The following SLC25A21 variants were observed in gnomAD, a reference collection of about 807,000 sequenced individuals.
SLC25A21 encodes the protein mitochondrial 2-oxodicarboxylate carrier.
A neutral mutation model predicts 43.8 loss-of-function variants in SLC25A21; 47 were observed. That is an observed-to-expected ratio of 1.07 (90% CI 0.85 to 1.37). The LOEUF (loss-of-function observed/expected upper bound fraction) is 1.37. SLC25A21 is among the 40% of genes most tolerant of loss of function. SLC25A21 has a pLI of 0.00. For synonymous variants in SLC25A21, 131 were observed against 121.3 expected, an observed-to-expected ratio of 1.08 and a Z score of -0.52; for missense variants, 352 against 350.2, an observed-to-expected ratio of 1.00 and a Z score of -0.04.
At chr14:36,849,160 A>T (rs1889640686) in intron 2 of SLC25A21, among the ~76,000 whole-genome samples, 1 of 152,192 alleles carries the variant, frequency 6.6e-6, no homozygotes, top group African/African-American at 2.4e-5. Flanking sequence ...AACACACTTT[A>T]AAAATAAAAT....
chr14:37,149,720 A>T (rs537071582), intron 1 of SLC25A21, among the ~76,000 whole-genome samples: 9 of 152,130 alleles, frequency 5.9e-5, no homozygotes, highest in Admixed American at 3.3e-4. Context: ...ATAAATAAAT[A>T]ATCACTAAAT....
chr14:36,688,830 T>C (rs1882666051), intron 7 of SLC25A21, among the ~76,000 whole-genome samples: 1 of 152,230 alleles, frequency 6.6e-6, no homozygotes, highest in Admixed American at 6.5e-5. Flanking sequence ...CGAACTATTA[T>C]TATTATTCCT....
chr14:36,760,330 CAGAAGGAAGGAA>C (rs1401861461), intron 3 of SLC25A21, among the ~76,000 whole-genome samples: 18 of 105,074 alleles, frequency 1.7e-4, no homozygotes, highest in South Asian at 3.0e-4. Flanking sequence ...GGCAGCTAGG[CAGAAGGAAGGAA>C]GGAAGGAAGG....
chr14:36,753,955 G>GAGAGAGAA, intron 3 of SLC25A21, among the ~76,000 whole-genome samples: 1 of 149,658 alleles, frequency 6.7e-6, no homozygotes. Context: ...GAGAGAGAGA[G>GAGAGAGAA]AGAGAAAGAG....
intron 8 of SLC25A21, 31 bp downstream of exon 8, chr14:36,684,713 C>A: frequency 6.4e-7 from 1 of 1,574,540 alleles, no homozygotes; most frequent in Non-Finnish European, 8.6e-7. Flanking sequence ...GAGCCTCATA[C>A]ATTTATTAAA....
chr14:36,904,065 T>G (rs542964455), intron 1 of SLC25A21, among the ~76,000 whole-genome samples: 1 of 152,334 alleles, frequency 6.6e-6, no homozygotes, highest in Non-Finnish European at 1.5e-5. Flanking sequence ...TGAATTCTTG[T>G]CCTTTGAAAG....
intron 1 of SLC25A21, among the ~76,000 whole-genome samples, chr14:37,142,541 T>C (rs1012754474): frequency 1.1e-4 from 17 of 152,104 alleles, no homozygotes; most frequent in Admixed American, 3.3e-4. Flanking sequence ...TTTATTATTA[T>C]TTGTAGAGAC....
At chr14:37,120,883 G>A (rs975650962) in intron 1 of SLC25A21, among the ~76,000 whole-genome samples, 3 of 152,014 alleles carry the variant, frequency 2.0e-5, no homozygotes, top group Non-Finnish European at 4.4e-5. Flanking sequence ...ATTGGTATAA[G>A]TACTGCCAGC....
chr14:37,132,866 G>A (rs1683097641), intron 1 of SLC25A21, among the ~76,000 whole-genome samples: 1 of 151,850 alleles, frequency 6.6e-6, no homozygotes, highest in African/African-American at 2.4e-5. Context: ...GACTAACTGG[G>A]ACTACAGGCA....
chr14:36,921,810 T>A (rs535826960), intron 1 of SLC25A21, among the ~76,000 whole-genome samples: 11 of 152,148 alleles, frequency 7.2e-5, no homozygotes, highest in Non-Finnish European at 1.5e-5. Flanking sequence ...TTGTTCACCA[T>A]TCTGAATGTG....
chr14:37,171,070 C>T (rs114569788), intron 1 of SLC25A21, among the ~76,000 whole-genome samples: 7,155 of 137,006 alleles, frequency 0.052, 632 homozygotes, highest in African/African-American at 0.18. Context: ...CCGGTGCCTT[C>T]CAGTCTGGGC....
intron 1 of SLC25A21, among the ~76,000 whole-genome samples, chr14:37,136,639 C>G (rs1272420844): frequency 6.6e-6 from 1 of 152,070 alleles, no homozygotes; most frequent in Non-Finnish European, 1.5e-5. Context: ...TTGTCAAAAT[C>G]TGGAAGCAAC....
chr14:36,834,738 T>C (rs1301471948), intron 2 of SLC25A21, among the ~76,000 whole-genome samples: 1 of 152,216 alleles, frequency 6.6e-6, no homozygotes, highest in Non-Finnish European at 1.5e-5. Context: ...AAGGAGCCAT[T>C]CACACTGGTT....
chr14:36,875,096 AG>A (rs1890482503), intron 1 of SLC25A21, 92 bp from the exon 2 acceptor site: 1 of 1,024,840 alleles, frequency 9.8e-7, no homozygotes, highest in Admixed American at 2.1e-5. Flanking sequence ...GTGAGGGTTC[AG>A]ATAAAGAACT....
intron 1 of SLC25A21, among the ~76,000 whole-genome samples, chr14:36,877,638 C>T (rs796508509): frequency 2.0e-5 from 3 of 152,178 alleles, no homozygotes; most frequent in African/African-American, 7.2e-5. Context: ...CAGAGAGAGG[C>T]CCCTGACCTA....
intron 1 of SLC25A21, among the ~76,000 whole-genome samples, chr14:37,093,589 G>T (rs1207997983): frequency 1.3e-5 from 2 of 152,216 alleles, no homozygotes; most frequent in African/African-American, 4.8e-5. Flanking sequence ...GTGGCGAACT[G>T]CTTTGGCAAT....
intron 3 of SLC25A21, among the ~76,000 whole-genome samples, chr14:36,753,006 T>C (rs193287114): frequency 5.9e-5 from 9 of 152,286 alleles, no homozygotes; most frequent in Admixed American, 2.0e-4. Context: ...AAATGTATGA[T>C]GCCATTTCTA....
chr14:36,988,104 G>T (rs1377180110), intron 1 of SLC25A21, among the ~76,000 whole-genome samples: 1 of 152,188 alleles, frequency 6.6e-6, no homozygotes, highest in African/African-American at 2.4e-5. Context: ...CGGCCTTGTG[G>T]AGAGCACAGT....
chr14:36,884,176 T>C (rs1280368843), intron 1 of SLC25A21, among the ~76,000 whole-genome samples: 1 of 152,158 alleles, frequency 6.6e-6, no homozygotes, highest in Non-Finnish European at 1.5e-5. Context: ...ACCTCCATTC[T>C]AGTCTCTATT....
Sources: allele counts gnomAD v4.1 joint callset (sites outside exome capture counted in the v4.1 genomes callset), GRCh38; gene constraint gnomAD v4.1.1; transcripts MANE v1.5; gene names NCBI Gene and HGNC (gene_info 2026-07-23, HGNC 2026-07-21).